ITSN2: variants seen among roughly 807,000 people sequenced by gnomAD.
The protein encoded by ITSN2 is intersectin 2, also known as intersectin-2.
In ITSN2, 156 loss-of-function variants were observed where a neutral mutation model predicts 243.7. The ratio of observed to expected loss-of-function variants is 0.64; its 90% confidence interval spans 0.56 to 0.73. The LOEUF (loss-of-function observed/expected upper bound fraction) is 0.73, where lower values mean the gene tolerates loss of function less well. ITSN2 is among the 30% of genes least tolerant of loss of function. ITSN2 has a pLI of 0.00. For synonymous variants in ITSN2, 703 were observed against 699.9 expected (o/e 1.00, Z -0.07); for missense variants, 1,801 against 1,996.1 (o/e 0.90, Z 1.86).
intron 12 of ITSN2, among the ~76,000 whole-genome samples, chr2:24,299,026 C>CTTTTTTTTTTTTTTTTTT: frequency 8.0e-6 from 1 of 124,302 alleles, no homozygotes; most frequent in Non-Finnish European, 1.7e-5. Context: ...TTCACGAGAT[C>CTTTTTTTTTTTTTTTTTT]TTTTTTTTTT....
intron 24 of ITSN2, 38 bp downstream of exon 24, chr2:24,254,329 T>C (rs1275598517): frequency 2.9e-6 from 4 of 1,390,692 alleles, no homozygotes; most frequent in Admixed American, 1.7e-5. Context: ...AAGAGCTAAA[T>C]TGATTACCAT....
chr2:24,264,878 A>C (rs947261888), intron 20 of ITSN2, among the ~76,000 whole-genome samples: 4 of 151,278 alleles, frequency 2.6e-5, no homozygotes, highest in African/African-American at 9.8e-5. Context: ...CCCTTTTCAA[A>C]GTTGTTTTGC....
At chr2:24,284,536 T>C (rs1428781866) in intron 17 of ITSN2, among the ~76,000 whole-genome samples, 1 of 152,166 alleles carries the variant, frequency 6.6e-6, no homozygotes, top group Non-Finnish European at 1.5e-5. Context: ...CCTGGACTTC[T>C]TTTGAGAAAG....
At chr2:24,278,409 A>C (rs1203291795) in intron 17 of ITSN2, among the ~76,000 whole-genome samples, 1 of 152,216 alleles carries the variant, frequency 6.6e-6, no homozygotes, top group Non-Finnish European at 1.5e-5. Flanking sequence ...TTTAATAAAT[A>C]TTTATTGGAC....
intron 8 of ITSN2, among the ~76,000 whole-genome samples, chr2:24,305,907 C>A (rs1682471873): frequency 6.6e-6 from 1 of 152,194 alleles, no homozygotes; most frequent in South Asian, 2.1e-4. Context: ...TATTCCAATG[C>A]AAAATCACCT....
Position 24,210,802 on chromosome 2 carries a change from A to C in ITSN2, c.4235T>G (p.Val1412Gly), listed in dbSNP as rs1256373180. 3.7e-6 allele frequency: 6 copies of C among 1,613,980 alleles called. No homozygotes were observed. Among genetic ancestry groups the C allele is most frequent in the Non-Finnish European group, 4.2e-6 (5 of 1,179,962 alleles). Residue 1412 changes from valine (V) to glycine (G), a missense_variant, in exon 34 of 40, where the codon GTG becomes GGG. Val to Gly is a moderately radical substitution (Grantham distance 109, BLOSUM62 -3). This residue lies in a region of ITSN2 where 928 missense variants were observed against 1,065.4 expected (regional missense o/e 0.87). Transcript: ENST00000355123. The part of the protein sequence containing the change: ...SDRLEWIQAH[V>G]QCEGLAEQLI... ...GACCTCCGCGAGGCCTTCACACTGC[A>C]CGTGCGCCTGGATCCACTCCAGTCG... is the stretch of plus-strand genomic sequence containing the variant.
At chr2:24,286,154 A>T in intron 16 of ITSN2, 58 bp downstream of exon 16, 1 of 1,017,180 alleles carries the variant, frequency 9.8e-7, no homozygotes, top group Admixed American at 2.4e-5. Context: ...CTATTAAATC[A>T]AAATAATGAA....
At chr2:24,308,364 T>A (rs948615344) in intron 8 of ITSN2, among the ~76,000 whole-genome samples, 4 of 152,210 alleles carry the variant, frequency 2.6e-5, no homozygotes, top group Non-Finnish European at 4.4e-5. Context: ...AAGGGACAGG[T>A]CTTTTGCCAA....
At chr2:24,337,315 A>AATATATATATATACATATAT (rs1278959952) in intron 1 of ITSN2, among the ~76,000 whole-genome samples, 4 of 32,020 alleles carry the variant, frequency 1.2e-4, no homozygotes, top group South Asian at 1.4e-3. Context: ...GTATACACAA[A>AATATATATATATACATATAT]ATATATATAT....
chr2:24,252,426 T>C lies in ITSN2; in HGVS notation c.3039A>G (p.Lys1013=), dbSNP rs775244476. Residue 1013 remains lysine, a synonymous_variant, in exon 25 of 40, where the codon AAA becomes AAG. Transcript: ENST00000355123. ...TACTTCCTGTCCACCACTCTCCATC[T>C]TTCTGGGTCACCAATATTTCTTCAC... ...TEGEEILVTQ[K]DGEWWTGSIG... is the part of the protein sequence containing the mutation. 7 of 1,613,016 alleles carry C rather than the reference T, an allele frequency of 4.3e-6. No individual in the cohort carries two copies. In the East Asian group the frequency reaches 6.7e-5, roughly 15 times the overall value.
intron 29 of ITSN2, among the ~76,000 whole-genome samples, chr2:24,245,715 G>C (rs1673276449): frequency 1.3e-5 from 2 of 152,140 alleles, no homozygotes; most frequent in African/African-American, 4.8e-5. Context: ...CTGGGCTTAA[G>C]GGATCCTGCG....
intron 5 of ITSN2, chr2:24,311,731 A>C (rs1336384791): frequency 6.0e-6 from 1 of 167,168 alleles, no homozygotes; most frequent in Admixed American, 6.5e-5. Flanking sequence ...ATTAGCCCAA[A>C]GTCTGCAACT....
chr2:24,324,637 C>T (rs1245658813), intron 2 of ITSN2, among the ~76,000 whole-genome samples: 1 of 151,738 alleles, frequency 6.6e-6, no homozygotes, highest in East Asian at 1.9e-4. Context: ...ATCACTTGAG[C>T]CCAGGAGTTG....
At chr2:24,232,551 A>G (rs1671732360) in intron 29 of ITSN2, among the ~76,000 whole-genome samples, 1 of 152,218 alleles carries the variant, frequency 6.6e-6, no homozygotes, top group Non-Finnish European at 1.5e-5. Context: ...GATATAGACT[A>G]TTATAAAGAG....
Position 24,216,097 on chromosome 2 carries a change from C to G in ITSN2, c.3942G>C (p.Leu1314=). The stretch of plus-strand genomic sequence containing the variant: ...TGTCTTCATCTGTCTTCTGCTGTAA[C>G]AGAGCTGCTCCATTAAGCTGGCAGC... The part of the protein sequence containing the change: ...FCSCQLNGAA[L]LQQKTDEDTD... The change falls in exon 32 of 40, where the codon CTG becomes CTC. Residue 1314 remains leucine (L), a synonymous_variant. Transcript: ENST00000355123. 6.2e-7 allele frequency: 1 copy of G among 1,611,636 alleles called. No individual in the cohort carries two copies. Among genetic ancestry groups the G allele is most frequent in the Non-Finnish European group, 8.5e-7 (1 of 1,178,908 alleles).
At chr2:24,334,562 G>C (rs1686142882) in intron 1 of ITSN2, 1 of 941,214 alleles carries the variant, frequency 1.1e-6, no homozygotes, top group Non-Finnish European at 1.7e-6. Context: ...AGTGTGGCAA[G>C]CACCAACCCT....
intron 1 of ITSN2, among the ~76,000 whole-genome samples, chr2:24,346,211 A>G (rs142226250): frequency 1.3e-5 from 2 of 152,318 alleles, no homozygotes; most frequent in Admixed American, 1.3e-4. Context: ...ACACTACTTT[A>G]GCCAGCTGGT....
At chr2:24,350,347 A>T (rs1687915573) in intron 1 of ITSN2, among the ~76,000 whole-genome samples, 1 of 152,190 alleles carries the variant, frequency 6.6e-6, no homozygotes. Context: ...TTAACCTCCT[A>T]AACTGGAACC....
intron 21 of ITSN2, 106 bp from the exon 22 acceptor site, chr2:24,261,356 T>A (rs1574057622): frequency 4.2e-6 from 4 of 942,198 alleles, no homozygotes; most frequent in Non-Finnish European, 6.3e-6. Flanking sequence ...TTACACACAA[T>A]TTGTGGGAAA....
Sources: allele counts gnomAD v4.1 joint callset (sites outside exome capture counted in the v4.1 genomes callset), GRCh38; gene constraint gnomAD v4.1.1; regional missense constraint gnomAD v4.1.1; transcripts MANE v1.5; gene names NCBI Gene and HGNC (gene_info 2026-07-23, HGNC 2026-07-21).